Variants in CFAP299 observed in about 807,000 individuals in gnomAD.
CFAP299 encodes the protein cilia- and flagella-associated protein 299.
Under a neutral mutation model 27.0 loss-of-function variants are expected in CFAP299, and 21 were observed. The ratio of observed to expected loss-of-function variants is 0.78; its 90% CI spans 0.55 to 1.12. The LOEUF is 1.12. CFAP299 is among the 50% of genes most tolerant of loss of function. The probability of loss-of-function intolerance (pLI) is 0.00; values close to 1 mark genes in which losing one functional copy is unlikely to be tolerated. For missense variants in CFAP299, 310 were observed against 276.6 expected, an observed-to-expected ratio of 1.12 and a Z score of -0.86; for synonymous variants, 104 against 98.1, an observed-to-expected ratio of 1.06 and a Z score of -0.36.
chr4:80,390,505 A>ATATGTATGTATG (rs1249800899), intron 2 of CFAP299, among the ~76,000 whole-genome samples: 1 of 79,002 alleles, frequency 1.3e-5, no homozygotes, highest in African/African-American at 6.9e-5. Flanking sequence ...ATATATGTAT[A>ATATGTATGTATG]TATACACACA....
intron 3 of CFAP299, among the ~76,000 whole-genome samples, chr4:80,729,899 G>A (rs956654557): frequency 8.6e-5 from 13 of 151,916 alleles, no homozygotes; most frequent in African/African-American, 1.9e-4. Flanking sequence ...CACAGCACCC[G>A]GCCCAGCATC....
At chr4:80,504,734 G>C (rs893184779) in intron 2 of CFAP299, among the ~76,000 whole-genome samples, 1 of 147,996 alleles carries the variant, frequency 6.8e-6, no homozygotes, top group African/African-American at 2.5e-5. Flanking sequence ...TTGTAGTGAG[G>C]TTAAGGGTAT....
intron 2 of CFAP299, among the ~76,000 whole-genome samples, chr4:80,501,586 AT>A (rs1560596952): frequency 6.7e-6 from 1 of 149,394 alleles, no homozygotes; most frequent in African/African-American, 2.4e-5. Context: ...ATATCTATAA[AT>A]TGCAATGAAT....
chr4:80,433,113 G>T (rs1414256337), intron 2 of CFAP299, among the ~76,000 whole-genome samples: 1 of 151,958 alleles, frequency 6.6e-6, no homozygotes, highest in African/African-American at 2.4e-5. Flanking sequence ...TGAACTCATT[G>T]TCCTTAATTT....
chr4:80,629,369 G>T (rs540267480), intron 3 of CFAP299, among the ~76,000 whole-genome samples: 14 of 152,172 alleles, frequency 9.2e-5, no homozygotes, highest in African/African-American at 3.4e-4. Flanking sequence ...TTAGATAAGA[G>T]AAATAAGTTC....
chr4:80,915,758 T>C (rs1376590356), intron 4 of CFAP299, among the ~76,000 whole-genome samples: 1 of 152,082 alleles, frequency 6.6e-6, no homozygotes. Context: ...GTGTCTCTAA[T>C]CTGCTGTTAA....
At chr4:80,366,326 C>T (rs552450225) in intron 2 of CFAP299, among the ~76,000 whole-genome samples, 5 of 152,190 alleles carry the variant, frequency 3.3e-5, no homozygotes, top group South Asian at 2.1e-4. Flanking sequence ...GCACCTATTT[C>T]GAGAAGTGCT....
intron 3 of CFAP299, among the ~76,000 whole-genome samples, chr4:80,748,367 A>C (rs1724739328): frequency 6.6e-6 from 1 of 152,146 alleles, no homozygotes; most frequent in Non-Finnish European, 1.5e-5. Context: ...CCTTGAAATA[A>C]TTTAACATGT....
intron 3 of CFAP299, among the ~76,000 whole-genome samples, chr4:80,631,860 CCCCA>C (rs200376889): frequency 0.066 from 854 of 12,998 alleles, 249 homozygotes; most frequent in South Asian, 0.2. Flanking sequence ...AATATTTGTG[CCCCA>C]CCCCCCCCCA....
chr4:80,414,083 T>C (rs1726873412), intron 2 of CFAP299, among the ~76,000 whole-genome samples: 1 of 148,594 alleles, frequency 6.7e-6, no homozygotes, highest in Admixed American at 6.7e-5. Flanking sequence ...TTTTTTTTTT[T>C]TTTTTGAGAC....
At chr4:80,925,084 G>A (rs1342072739) in intron 4 of CFAP299, among the ~76,000 whole-genome samples, 1 of 151,718 alleles carries the variant, frequency 6.6e-6, no homozygotes, top group Admixed American at 6.6e-5. Flanking sequence ...TGTTATGAAG[G>A]TAAACTGATC....
chr4:80,386,917 G>T, intron 2 of CFAP299: 1 of 841,892 alleles, frequency 1.2e-6, no homozygotes, highest in Non-Finnish European at 2.1e-6. Context: ...TCGCCTGAGT[G>T]GTTGTGAGCG....
At chr4:80,571,017 A>G (rs1226922010) in intron 2 of CFAP299, among the ~76,000 whole-genome samples, 1 of 152,096 alleles carries the variant, frequency 6.6e-6, no homozygotes, top group Admixed American at 6.6e-5. Flanking sequence ...ATTACACCAT[A>G]TCGTTTAGGG....
intron 2 of CFAP299, among the ~76,000 whole-genome samples, chr4:80,509,867 T>G (rs1732210715): frequency 6.6e-6 from 1 of 151,890 alleles, no homozygotes; most frequent in African/African-American, 2.4e-5. Context: ...CAGATTTTTT[T>G]TTTTTTTCTG....
At position 80,870,076 on chromosome 4, in the gene CFAP299, A is replaced by C; in HGVS notation, c.417A>C (p.Glu139Asp). Reference protein sequence around the residue: ...YIDYAHRLKTEDFEVYFTGKK... With the variant: ...YIDYAHRLKTDDFEVYFTGKK... ...ACTATGCCCACAGGCTAAAGACGGAAGATTTTGAAGTCTACTTTACTGGAA... is the reference window on the plus strand; with the variant it reads ...ACTATGCCCACAGGCTAAAGACGGACGATTTTGAAGTCTACTTTACTGGAA... Residue 139 changes from glutamate to aspartate, a missense_variant, in exon 4 of 6, where the codon GAA becomes GAC. By Grantham distance (45) the Glu-to-Asp change is conservative (BLOSUM62 2). Transcript: ENST00000358105. 1 of 1,613,834 alleles carries C rather than the reference A, an allele frequency of 6.2e-7. No individual in the cohort carries two copies.
intron 2 of CFAP299, among the ~76,000 whole-genome samples, chr4:80,547,316 G>A (rs1734282732): frequency 1.3e-5 from 2 of 151,938 alleles, no homozygotes. Context: ...TTCAATAAAT[G>A]GTAGCCATAT....
At chr4:80,959,705 T>A (rs115984516) in intron 5 of CFAP299, among the ~76,000 whole-genome samples, 2,490 of 152,082 alleles carry the variant, frequency 0.016, 70 homozygotes, top group African/African-American at 0.057. Context: ...TAACTCTTTG[T>A]GATATTTTTG....
At chr4:80,689,692 A>G (rs1333614949) in intron 3 of CFAP299, among the ~76,000 whole-genome samples, 2 of 152,188 alleles carry the variant, frequency 1.3e-5, no homozygotes, top group Non-Finnish European at 2.9e-5. Context: ...ACACATAACA[A>G]TATTAACTTT....
intron 4 of CFAP299, among the ~76,000 whole-genome samples, chr4:80,932,283 TC>T (rs1736663049): frequency 1.3e-5 from 2 of 152,170 alleles, no homozygotes; most frequent in Non-Finnish European, 2.9e-5. Flanking sequence ...CCAACCATTA[TC>T]TGTATTTTCC....
Sources: gnomAD v4.1 joint callset for allele counts (sites outside exome capture counted in the v4.1 genomes callset) on GRCh38, gnomAD v4.1.1 for gene constraint, MANE v1.5 for transcripts, NCBI Gene and HGNC (gene_info 2026-07-23, HGNC 2026-07-21) for gene names.